The following LRP1B variants were observed in gnomAD, a reference collection of about 807,000 sequenced individuals.
LRP1B encodes LDL receptor related protein 1B.
Under a neutral mutation model 556.6 loss-of-function variants are expected in LRP1B, and 217 were observed. That is an observed-to-expected ratio of 0.39 (90% CI 0.35 to 0.44). The LOEUF (loss-of-function observed/expected upper bound fraction) is 0.44, where lower values mean the gene tolerates loss of function less well. LRP1B is among the 20% of genes least tolerant of loss of function. LRP1B has a pLI of 1.00. For missense variants in LRP1B, 5,053 were observed against 5,620.8 expected, an observed-to-expected ratio of 0.90 and a Z score of 3.23; for synonymous variants, 2,047 against 1,865.8, an observed-to-expected ratio of 1.10 and a Z score of -2.50.
At chr2:140,247,639 TCTC>T (rs1342014447) in intron 86 of LRP1B, among the ~76,000 whole-genome samples, 1 of 151,594 alleles carries the variant, frequency 6.6e-6, no homozygotes, top group Non-Finnish European at 1.5e-5. Context: ...GAGTTTTTAC[TCTC>T]CTAAGCAGAG....
intron 32 of LRP1B, among the ~76,000 whole-genome samples, chr2:140,790,801 T>C (rs956382285): frequency 2.0e-5 from 3 of 152,132 alleles, no homozygotes; most frequent in African/African-American, 7.2e-5. Flanking sequence ...CTGAGGCAAG[T>C]TACCTTAAGA....
chr2:142,110,381 A>G (rs1460194887), intron 1 of LRP1B, among the ~76,000 whole-genome samples: 1 of 152,138 alleles, frequency 6.6e-6, no homozygotes, highest in African/African-American at 2.4e-5. Context: ...CAAGATCAGA[A>G]AAGTATTCCA....
chr2:140,623,047 T>C (rs1559012418), intron 41 of LRP1B, among the ~76,000 whole-genome samples: 1 of 152,284 alleles, frequency 6.6e-6, no homozygotes, highest in Non-Finnish European at 1.5e-5. Context: ...TTTAAAAATA[T>C]GGCCTTAGAA....
chr2:140,362,211 A>T (rs1465053414), intron 72 of LRP1B, among the ~76,000 whole-genome samples: 5 of 151,638 alleles, frequency 3.3e-5, no homozygotes, highest in Admixed American at 1.3e-4. Context: ...AACTTTAAAT[A>T]TGACCATGGA....
At chr2:141,407,393 G>A (rs183477909) in intron 3 of LRP1B, among the ~76,000 whole-genome samples, 43 of 152,176 alleles carry the variant, frequency 2.8e-4, no homozygotes, top group Admixed American at 1.2e-3. Flanking sequence ...AATCAAGACC[G>A]TTATTCAAAA....
chr2:141,421,104 T>A (rs1229583957), intron 3 of LRP1B, among the ~76,000 whole-genome samples: 1 of 152,234 alleles, frequency 6.6e-6, no homozygotes, highest in Non-Finnish European at 1.5e-5. Context: ...AATGGTACTT[T>A]GGTTCATACA....
At chr2:140,682,900 A>T (rs1419284438) in intron 41 of LRP1B, among the ~76,000 whole-genome samples, 1 of 152,168 alleles carries the variant, frequency 6.6e-6, no homozygotes, top group East Asian at 1.9e-4. Flanking sequence ...TCAGATATAC[A>T]TTTCAGAAAA....
intron 2 of LRP1B, among the ~76,000 whole-genome samples, chr2:141,782,312 G>C (rs1695280314): frequency 6.6e-6 from 1 of 151,944 alleles, no homozygotes. Flanking sequence ...CATCTTCTAA[G>C]TAATAGTAAT....
At chr2:140,510,104 G>A (rs1316447654) in intron 51 of LRP1B, 48 bp from the exon 52 acceptor site, 3 of 1,593,390 alleles carry the variant, frequency 1.9e-6, no homozygotes, top group Non-Finnish European at 2.6e-6. Flanking sequence ...GTGTCCACTG[G>A]AAAATGTCTA....
intron 2 of LRP1B, among the ~76,000 whole-genome samples, chr2:141,494,664 C>T (rs907848681): frequency 1.9e-4 from 29 of 151,098 alleles, no homozygotes; most frequent in Non-Finnish European, 3.7e-4. Context: ...TGGTGACTAG[C>T]GAATCAGCAA....
intron 3 of LRP1B, among the ~76,000 whole-genome samples, chr2:141,369,753 C>T (rs546614925): frequency 6.6e-6 from 1 of 152,064 alleles, no homozygotes; most frequent in Non-Finnish European, 1.5e-5. Flanking sequence ...TCAATGTATT[C>T]ATCACTGAAG....
rs529417352 is a variant in LRP1B, at chr2:141,783,959, T to A, written c.205+26320A>T. ...TTCATTAATGGGCTTGTTTAAAAAG[T>A]CAATCTCTTGAAAATTAGCTACTAA... On this transcript the variant is annotated intron_variant, in intron 2 of 90. Transcript: ENST00000389484. Among the ~76,000 whole-genome samples the A allele has an allele frequency of 4.6e-5, 7 of 152,012 alleles. No individual in the cohort carries two copies. The South Asian group carries it at 1.5e-3, about 32-fold the overall frequency.
intron 58 of LRP1B, among the ~76,000 whole-genome samples, 162 bp downstream of exon 58, chr2:140,487,455 A>AT (rs1688516400): frequency 6.6e-6 from 1 of 151,898 alleles, no homozygotes; most frequent in Non-Finnish European, 1.5e-5. Context: ...AAAAGGTCTC[A>AT]TTTTTCATAT....
rs187339203 is a variant in LRP1B at position 141,704,508 on chromosome 2, C to A, written c.205+105771G>T. Among the ~76,000 whole-genome samples the A allele has an allele frequency of 4.0e-3, 607 of 152,002 alleles. 4 individuals carry two copies. The highest frequency in any genetic ancestry group is 0.014 in the African/African-American group (575 of 41,492). On this transcript the variant is annotated intron_variant, in intron 2 of 90. Transcript: ENST00000389484. The stretch of plus-strand genomic sequence containing the variant: ...TTTAAGATTTCAACTTTCCTTAAGA[C>A]CCTTAGAGAACCACATAAGTTCAAT...
chr2:140,644,386 C>A (rs1574184066), intron 41 of LRP1B, among the ~76,000 whole-genome samples: 1 of 148,492 alleles, frequency 6.7e-6, no homozygotes, highest in Non-Finnish European at 1.5e-5. Context: ...TCAATCATTT[C>A]TTTCTTTCTT....
In LRP1B at chr2:141,557,624, T is replaced by C. The variant is rs181080088; in HGVS notation, c.206-77091A>G. ...ATTCATTCATGGGCTGGAACACTGA[T>C]GTGGTGCACAGCAGATCCAGACATC... On this transcript the variant is annotated intron_variant, in intron 2 of 90. Transcript: ENST00000389484. 7.9e-5 allele frequency among the ~76,000 whole-genome samples: 12 copies of C among 152,010 alleles called. No homozygotes were observed. The East Asian group carries it at 1.9e-3, about 24-fold the overall frequency.
chr2:141,118,949 T>C (rs1281001639), intron 7 of LRP1B, among the ~76,000 whole-genome samples: 1 of 151,814 alleles, frequency 6.6e-6, no homozygotes, highest in East Asian at 1.9e-4. Flanking sequence ...TACATAGATA[T>C]AGTTAAAACA....
At chr2:141,590,507 T>C (rs924388186) in intron 2 of LRP1B, among the ~76,000 whole-genome samples, 7 of 152,140 alleles carry the variant, frequency 4.6e-5, no homozygotes, top group Non-Finnish European at 7.4e-5. Flanking sequence ...ATGGCCTAAA[T>C]GGGGATGTCA....
At chr2:142,000,656 T>C (rs967974417) in intron 1 of LRP1B, among the ~76,000 whole-genome samples, 1 of 152,176 alleles carries the variant, frequency 6.6e-6, no homozygotes, top group Non-Finnish European at 1.5e-5. Context: ...AACAATAGTA[T>C]CTAAACACAG....
Sources: gnomAD v4.1 joint callset for allele counts (sites outside exome capture counted in the v4.1 genomes callset) on GRCh38, gnomAD v4.1.1 for gene constraint, MANE v1.5 for transcripts, NCBI Gene and HGNC (gene_info 2026-07-23, HGNC 2026-07-21) for gene names.